Variants in KCNQ2 observed in about 807,000 individuals in gnomAD.
The protein encoded by KCNQ2 is potassium voltage-gated channel subfamily Q member 2.
KCNQ2 carries 14 observed loss-of-function variants against 84.8 expected under a neutral mutation model. The ratio of observed to expected loss-of-function variants is 0.17; its 90% confidence interval spans 0.11 to 0.26. KCNQ2 has a LOEUF of 0.26. Ranked by LOEUF, KCNQ2 falls within the 10% of genes least tolerant of loss-of-function variation. The pLI, the probability that KCNQ2 is intolerant of heterozygous loss-of-function variation, is 1.00. For synonymous variants in KCNQ2, 599 were observed against 554.1 expected, an observed-to-expected ratio of 1.08 and a Z score of -1.14; for missense variants, 788 against 1,254.0, an observed-to-expected ratio of 0.63 and a Z score of 5.61.
chr20:63,466,957 G>T (rs1296932168), intron 1 of KCNQ2, among the ~76,000 whole-genome samples: 3 of 152,248 alleles, frequency 2.0e-5, no homozygotes, highest in Non-Finnish European at 4.4e-5. Flanking sequence ...CCCCCGTGAG[G>T]TAACACGCTT....
intron 12 of KCNQ2, among the ~76,000 whole-genome samples, chr20:63,419,162 T>C (rs1365910372): frequency 6.6e-6 from 1 of 152,154 alleles, no homozygotes. Context: ...GCCTCTGGCT[T>C]TCTGGGGCTT....
rs1467873747 is a variant in KCNQ2 at position 63,446,668 on chromosome 20, C to A, written c.387+79G>T. The A allele has an allele frequency of 1.6e-6, 2 of 1,233,240 alleles. No homozygotes were observed. The highest frequency in any genetic ancestry group is 2.4e-6 in the Non-Finnish European group (2 of 836,166). The allele number at this position is 1,233,240 out of a possible 1,614,324, so 76.4% of individuals were successfully genotyped here. ...GGGGGCGTCAGAGGCCCTGTAGTAA[C>A]AGGAACGGAAGACAGACGCCCAGGC... On this transcript the variant is annotated intron_variant, in intron 2 of 16. Transcript: ENST00000359125. This position sits in a 1 kb window ranked among gnomAD's most constrained non-coding sequence, Gnocchi z 5.5.
intron 12 of KCNQ2, among the ~76,000 whole-genome samples, chr20:63,416,204 C>A (rs2080290823): frequency 6.6e-6 from 1 of 152,202 alleles, no homozygotes; most frequent in African/African-American, 2.4e-5. Context: ...GTGGCCCGGC[C>A]CCCTCGGCCT....
intron 11 of KCNQ2, among the ~76,000 whole-genome samples, chr20:63,422,024 G>A (rs1210231978): frequency 6.6e-6 from 1 of 152,052 alleles, no homozygotes; most frequent in Non-Finnish European, 1.5e-5. Flanking sequence ...AGTGAGTGAG[G>A]GTCCCTGTGT....
intron 11 of KCNQ2, among the ~76,000 whole-genome samples, chr20:63,419,887 T>G (rs1184362197): frequency 2.0e-5 from 3 of 151,488 alleles, no homozygotes; most frequent in Non-Finnish European, 4.4e-5. Context: ...AAATCCCTGT[T>G]TTTTTTTTCC....
Position 63,404,766 on chromosome 20 carries a change from G to C in KCNQ2, c.*1878C>G, listed in dbSNP as rs1280037339. 1 of 152,312 alleles carries C rather than the reference G, an allele frequency of 6.6e-6. No individual in the cohort carries two copies. Among genetic ancestry groups the C allele is most frequent in the African/African-American group, 2.4e-5 (1 of 41,458 alleles). The allele number at this position is 152,312 out of a possible 1,614,324, so 9.4% of individuals were successfully genotyped here. On this transcript the variant is annotated 3_prime_UTR_variant, in exon 17 of 17. Coordinates refer to ENST00000359125, the MANE Select transcript of KCNQ2 (RefSeq NM_172107.4). The stretch of plus-strand genomic sequence containing the variant: ...GAAGGGATGCTTCATGCCACCGCAG[G>C]GCCCGAGGCCACACACGCTGCCTTT...
chr20:63,428,691 G>A (rs1311683167), intron 9 of KCNQ2, among the ~76,000 whole-genome samples: 2 of 152,182 alleles, frequency 1.3e-5, no homozygotes, highest in Non-Finnish European at 2.9e-5. Context: ...CAGGGAGGAG[G>A]GAAGAGGGCG....
chr20:63,413,193 A>G lies in KCNQ2; in HGVS notation c.1763+257T>C, dbSNP rs2145538483. The G allele has an allele frequency of 1.3e-5, 7 of 536,766 alleles. No homozygotes were observed. The South Asian group carries it at 1.4e-4, about 11-fold the overall frequency. The allele number at this position is 536,766 out of a possible 1,614,324, so 33.3% of individuals were successfully genotyped here. ...GACTTACACACACACACATGCACACACACATTTTCAGGGACCCACACACAC... is the reference window on the plus strand; with the variant it reads ...GACTTACACACACACACATGCACACGCACATTTTCAGGGACCCACACACAC... On this transcript the variant is annotated intron_variant, in intron 15 of 16. Coordinates refer to ENST00000359125, the MANE Select transcript of KCNQ2 (RefSeq NM_172107.4).
At chr20:63,452,061 C>T (rs549375233) in intron 1 of KCNQ2, among the ~76,000 whole-genome samples, 1 of 152,382 alleles carries the variant, frequency 6.6e-6, no homozygotes, top group Non-Finnish European at 1.5e-5. Flanking sequence ...ACTGCCCATT[C>T]CAGCACCAGA....
In KCNQ2 at chr20:63,472,495, T is replaced by C. The variant is rs796052610; in HGVS notation, c.-32A>G. On this transcript the variant is annotated 5_prime_UTR_variant, in exon 1 of 17. Coordinates refer to ENST00000359125, the MANE Select transcript of KCNQ2 (RefSeq NM_172107.4). ...TGGCGGGAGGCGCCCCGGGTCGGGC[T>C]CAGGCTCAGCGGGGGCGGAGCGCGG... 6.9e-7 allele frequency: 1 copy of C among 1,454,788 alleles called. No individual in the cohort carries two copies. Among genetic ancestry groups the C allele is most frequent in the Non-Finnish European group, 9.0e-7 (1 of 1,107,132 alleles). The allele number at this position is 1,454,788 out of a possible 1,614,324, so 90.1% of individuals were successfully genotyped here. A position where few individuals can be genotyped will look rare whatever the true frequency, so the allele number is the denominator to read the frequency against.
rs889133758 is a variant in KCNQ2 at position 63,403,744 on chromosome 20, T to C, written c.*2900A>G. The C allele has an allele frequency of 6.6e-6, 1 of 152,336 alleles. No homozygotes were observed. The highest frequency in any genetic ancestry group is 1.5e-5 in the Non-Finnish European group (1 of 68,086). 9.4% of individuals were successfully genotyped at this position (152,336 alleles called of 1,614,324 possible). On this transcript the variant is annotated 3_prime_UTR_variant, in exon 17 of 17. Coordinates refer to ENST00000359125, the MANE Select transcript of KCNQ2 (RefSeq NM_172107.4). Reference sequence around the variant, plus strand: ...GCAAGCGTGCATGTGTACGCCTGTATGCGGACATGTATGTGAGCACGTGTG... The same window carrying C: ...GCAAGCGTGCATGTGTACGCCTGTACGCGGACATGTATGTGAGCACGTGTG...
At chr20:63,412,068 T>G in intron 15 of KCNQ2, 2 of 557,312 alleles carry the variant, frequency 3.6e-6, no homozygotes, top group Non-Finnish European at 6.3e-6. Flanking sequence ...TTCCCGTGTT[T>G]CAAGCAAAGC....
rs562127347 is a variant in KCNQ2, at chr20:63,421,066, C to T, written c.1248-1394G>A. ...CCACCCAGGCCCAAGCACAGAGCCC[C>T]TGCCTGGAGGGCCCCAGGAGACCTT... is the stretch of plus-strand genomic sequence containing the variant. On this transcript the variant is annotated intron_variant, in intron 11 of 16. Coordinates refer to ENST00000359125, the MANE Select transcript of KCNQ2 (RefSeq NM_172107.4). 3.8e-4 allele frequency among the ~76,000 whole-genome samples: 58 copies of T among 152,290 alleles called. 2 individuals carry two copies. The South Asian group carries it at 0.011, about 29-fold the overall frequency.
At chr20:63,441,429 G>A (rs1219989877) in intron 5 of KCNQ2, among the ~76,000 whole-genome samples, 2 of 152,178 alleles carry the variant, frequency 1.3e-5, no homozygotes, top group African/African-American at 2.4e-5. Context: ...CGGCCACAGA[G>A]TGGGGCTCTA....
At chr20:63,420,201 A>G (rs1185110768) in intron 11 of KCNQ2, among the ~76,000 whole-genome samples, 1 of 152,222 alleles carries the variant, frequency 6.6e-6, no homozygotes, top group Non-Finnish European at 1.5e-5. Flanking sequence ...CACTGCAGGC[A>G]TGGCTATCTG....
Position 63,406,843 on chromosome 20 carries a change from A to G in KCNQ2, c.2420T>C (p.Ile807Thr). The G allele has an allele frequency of 6.2e-7, 1 of 1,612,442 alleles. No homozygotes were observed. The highest frequency in any genetic ancestry group is 1.3e-5 in the African/African-American group (1 of 75,056). Residue 807 changes from isoleucine to threonine, a missense_variant, in exon 17 of 17, where the codon ATC (isoleucine) becomes ACC (threonine). Physicochemically the swap from Ile to Thr is moderately conservative, Grantham distance 89. Coordinates refer to ENST00000359125, the MANE Select transcript of KCNQ2 (RefSeq NM_172107.4). ...ATCCAGGTTCTCCTTGGACTGGGAG[A>G]TGCTGAAGCCGCTGAAGGAACGCTC... Reference protein sequence around the residue: ...ELERSFSGFSISQSKENLDAL... With the variant: ...ELERSFSGFSTSQSKENLDAL...
chr20:63,445,142 T>C, intron 3 of KCNQ2, 96 bp downstream of exon 3: 1 of 1,545,010 alleles, frequency 6.5e-7, no homozygotes, highest in Non-Finnish European at 8.9e-7. Flanking sequence ...GCCCAGCCTC[T>C]CTGGCCCACG....
chr20:63,415,758 G>A (rs73918907), intron 12 of KCNQ2, among the ~76,000 whole-genome samples: 12,358 of 152,200 alleles, frequency 0.081, 618 homozygotes, highest in Middle Eastern at 0.13. Flanking sequence ...CCCAAACACC[G>A]GGGCTGTGGC....
chr20:63,406,670 C>T lies in KCNQ2; in HGVS notation c.2593G>A (p.Val865Met), dbSNP rs1017972751. The T allele has an allele frequency of 3.1e-6, 5 of 1,599,606 alleles. No individual in the cohort carries two copies. The highest frequency in any genetic ancestry group is 2.7e-5 in the African/African-American group (2 of 74,782). ...SATGEGPFGD[V>M]GWAGPRK ...CACTTCCTGGGCCCGGCCCAGCCCA[C>T]GTCACCAAAGGGACCCTCGCCGGTG... The change falls in exon 17 of 17, where the codon GTG (valine) becomes ATG (methionine). Residue 865 changes from valine (V) to methionine (M), a missense_variant. Transcript: ENST00000359125.
Sources: allele counts gnomAD v4.1 joint callset (sites outside exome capture counted in the v4.1 genomes callset), GRCh38; gene constraint gnomAD v4.1.1; non-coding constraint Gnocchi (gnomAD v3.1); transcripts MANE v1.5; gene names NCBI Gene and HGNC (gene_info 2026-07-23, HGNC 2026-07-21).